SLC27A1: variants seen among roughly 807,000 people sequenced by gnomAD.
The protein encoded by SLC27A1 is solute carrier family 27 member 1.
A neutral mutation model predicts 62.2 loss-of-function variants in SLC27A1; 61 were observed. The ratio of observed to expected loss-of-function variants is 0.98; its 90% CI spans 0.80 to 1.21. The LOEUF is 1.21. Among genes scored for constraint, SLC27A1 ranks in the 50% most tolerant of loss-of-function variants. SLC27A1 has a pLI of 0.00. For synonymous variants in SLC27A1, 435 were observed against 408.6 expected (o/e 1.06, Z -0.78); for missense variants, 903 against 932.1 (o/e 0.97, Z 0.41).
intron 6 of SLC27A1, 105 bp from the exon 7 acceptor site, chr19:17,497,150 C>T: frequency 4.8e-6 from 4 of 831,476 alleles, no homozygotes; most frequent in Non-Finnish European, 7.5e-6. Context: ...CTGTTCCGCT[C>T]ATAGGATTAG....
upstream of SLC27A1, among the ~76,000 whole-genome samples, chr19:17,469,468 C>G (rs2075052171): frequency 6.6e-6 from 1 of 152,012 alleles, no homozygotes; most frequent in Admixed American, 6.6e-5. Context: ...GGCTCGGGTC[C>G]TGATATCTTG....
chr19:17,476,183 C>T (rs940009363), intron 1 of SLC27A1, among the ~76,000 whole-genome samples: 2 of 152,074 alleles, frequency 1.3e-5, no homozygotes, highest in Non-Finnish European at 2.9e-5. Flanking sequence ...TCATGGAGTT[C>T]TTGGGGTGCT....
At chr19:17,469,821 G>C (rs1051541577), upstream of SLC27A1, among the ~76,000 whole-genome samples, 9 of 150,336 alleles carry the variant, frequency 6.0e-5, no homozygotes, top group African/African-American at 2.2e-4. Context: ...CTGGGAACTT[G>C]GGCTAGGCCC....
chr19:17,488,669 C>T lies in SLC27A1; in HGVS notation c.795-179C>T, dbSNP rs936776038. 5 of 629,010 alleles carry T rather than the reference C, an allele frequency of 7.9e-6. No homozygotes were observed. The African/African-American group carries it at 9.0e-5, about 11-fold the overall frequency. 39.0% of individuals were successfully genotyped at this position (629,010 alleles called of 1,614,324 possible). A position where few individuals can be genotyped will look rare whatever the true frequency, so the allele number is the denominator to read the frequency against. On this transcript the variant is annotated intron_variant, in intron 4 of 11. Coordinates refer to ENST00000252595, the MANE Select transcript of SLC27A1 (RefSeq NM_198580.3). ...TATGCCCCTTGACCCTATTATATCC[C>T]TCGTGACACCTAACACCACCAACAA...
chr19:17,475,670 C>G (rs146147308), intron 1 of SLC27A1, among the ~76,000 whole-genome samples: 2 of 152,170 alleles, frequency 1.3e-5, no homozygotes, highest in Non-Finnish European at 2.9e-5. Context: ...GCCACTGTGC[C>G]GCACTGGAGT....
At chr19:17,477,362 C>G (rs531458268) in intron 1 of SLC27A1, among the ~76,000 whole-genome samples, 215 of 146,682 alleles carry the variant, frequency 1.5e-3, no homozygotes, top group African/African-American at 5.0e-3. Context: ...CTGCCTCAGC[C>G]TTCTGAGTAG....
chr19:17,485,498 C>CTTGTTTGTTTGTTTGT (rs148197572), intron 1 of SLC27A1, among the ~76,000 whole-genome samples: 3 of 149,786 alleles, frequency 2.0e-5, no homozygotes, highest in Admixed American at 6.7e-5. Context: ...TAAAGCATTT[C>CTTGTTTGTTTGTTTGT]TTGTTTGTTT....
At chr19:17,488,233 A>C (rs1260034629) in intron 4 of SLC27A1, among the ~76,000 whole-genome samples, 1 of 151,960 alleles carries the variant, frequency 6.6e-6, no homozygotes, top group Non-Finnish European at 1.5e-5. Flanking sequence ...GTGGCACATG[A>C]CTGTAATCCC....
At chr19:17,470,773 A>C in intron 1 of SLC27A1, 66 bp downstream of exon 1, 1 of 1,147,840 alleles carries the variant, frequency 8.7e-7, no homozygotes, top group Non-Finnish European at 1.1e-6. Context: ...CGCACGGTGC[A>C]GGGCTGGGTT....
chr19:17,494,321 CCTTTTTCTTTTT>C (rs543156579), intron 6 of SLC27A1, among the ~76,000 whole-genome samples: 2 of 150,632 alleles, frequency 1.3e-5, no homozygotes, highest in Admixed American at 1.3e-4. Flanking sequence ...CCGTGCCTGG[CCTTTTTCTTTTT>C]CTTTTTCTTT....
chr19:17,492,950 A>AG (rs893341884), intron 6 of SLC27A1, among the ~76,000 whole-genome samples: 4 of 151,488 alleles, frequency 2.6e-5, no homozygotes, highest in African/African-American at 9.7e-5. Flanking sequence ...TAAAAAAAAA[A>AG]AGAAAGAAAT....
intron 6 of SLC27A1, among the ~76,000 whole-genome samples, chr19:17,494,945 T>C (rs1396767973): frequency 6.6e-6 from 1 of 150,380 alleles, no homozygotes; most frequent in Admixed American, 6.7e-5. Context: ...AGATACAGCC[T>C]CCCTGCTAGC....
At chr19:17,498,782 G>T (rs2075376983) in intron 7 of SLC27A1, 1 of 159,400 alleles carries the variant, frequency 6.3e-6, no homozygotes, top group Admixed American at 6.5e-5. Context: ...CCAATGATAG[G>T]TAAGGTCACG....
chr19:17,502,359 T>G (rs527245702), intron 11 of SLC27A1, among the ~76,000 whole-genome samples: 22 of 100,536 alleles, frequency 2.2e-4, no homozygotes, highest in Non-Finnish European at 4.0e-4. Flanking sequence ...TTTTTTTTTT[T>G]TTTTTTTTTT....
In SLC27A1 at chr19:17,500,326, AT is replaced by A. The variant is rs1568424158; in HGVS notation, c.1256del (p.Ile419ThrfsTer4). On this transcript the variant is annotated frameshift_variant, in exon 8 of 12. Transcript: ENST00000252595. LOFTEE classifies it high-confidence loss of function. The part of the protein sequence containing the change: ...NSRILPHVYP[I>X]RLVKVNEDTM... ...CCGCATCCTGCCCCACGTGTACCCCATCCGGCTGGTGAAGGTCAATGAGGAC... is the reference window on the plus strand; with the variant it reads ...CCGCATCCTGCCCCACGTGTACCCCACCGGCTGGTGAAGGTCAATGAGGAC... 1 of 1,614,188 alleles carries A rather than the reference AT, an allele frequency of 6.2e-7. No individual in the cohort carries two copies. Among genetic ancestry groups the A allele is most frequent in the South Asian group, 1.1e-5 (1 of 91,084 alleles).
chr19:17,501,508 G>T, intron 11 of SLC27A1, 89 bp downstream of exon 11: 1 of 1,524,238 alleles, frequency 6.6e-7, no homozygotes, highest in South Asian at 1.2e-5. Flanking sequence ...TGCTCTAAAA[G>T]AATACCTGGC....
intron 1 of SLC27A1, among the ~76,000 whole-genome samples, chr19:17,473,400 C>T (rs2075094935): frequency 6.6e-6 from 1 of 152,140 alleles, no homozygotes; most frequent in Non-Finnish European, 1.5e-5. Context: ...AAGGAAAGAT[C>T]TTATTTTGAT....
intron 6 of SLC27A1, among the ~76,000 whole-genome samples, chr19:17,495,136 C>T (rs2075335614): frequency 1.3e-5 from 2 of 151,802 alleles, no homozygotes; most frequent in Admixed American, 1.3e-4. Context: ...CCAGGTCTGG[C>T]AAAATTTTCT....
intron 1 of SLC27A1, among the ~76,000 whole-genome samples, chr19:17,481,840 AGGAGG>A (rs2075181555): frequency 1.3e-5 from 2 of 152,050 alleles, no homozygotes; most frequent in Non-Finnish European, 2.9e-5. Flanking sequence ...TCTCTCCTTA[AGGAGG>A]GAACTCTCCA....
Sources: allele counts gnomAD v4.1 joint callset (sites outside exome capture counted in the v4.1 genomes callset), GRCh38; gene constraint gnomAD v4.1.1; transcripts MANE v1.5; gene names NCBI Gene and HGNC (gene_info 2026-07-23, HGNC 2026-07-21).